The following C4orf51 variants were observed in gnomAD, a reference collection of about 807,000 sequenced individuals.
The protein encoded by C4orf51 is chromosome 4 open reading frame 51, also known as uncharacterized protein C4orf51.
A neutral mutation model predicts 25.2 loss-of-function variants in C4orf51; 25 were observed. The observed-to-expected ratio is 0.99, with a 90% CI of 0.72 to 1.39. C4orf51 has a LOEUF of 1.39. Among genes scored for constraint, C4orf51 ranks in the 40% most tolerant of loss-of-function variants. The probability of loss-of-function intolerance (pLI) is 0.00; values close to 1 mark genes in which losing one functional copy is unlikely to be tolerated. For missense variants in C4orf51, 252 were observed against 239.6 expected (o/e 1.05, Z -0.34); for synonymous variants, 100 against 84.5 (o/e 1.18, Z -1.01).
intron 1 of C4orf51, among the ~76,000 whole-genome samples, chr4:145,768,890 A>AAT (rs1553975846): frequency 0.018 from 138 of 7,728 alleles, 18 homozygotes; most frequent in Non-Finnish European, 0.031. Flanking sequence ...AAAAAAAAAA[A>AAT]ATATATATAT....
chr4:145,735,359 C>T (rs1306284359), downstream of C4orf51, among the ~76,000 whole-genome samples: 9 of 152,204 alleles, frequency 5.9e-5, no homozygotes, highest in East Asian at 1.7e-3. Context: ...AGGCACACAT[C>T]CTCACATTGT....
intron 1 of C4orf51, among the ~76,000 whole-genome samples, chr4:145,689,556 A>G (rs563835242): frequency 2.0e-4 from 30 of 152,330 alleles, no homozygotes; most frequent in Non-Finnish European, 3.5e-4. Flanking sequence ...TAAACATACC[A>G]AAGGTGCTCA....
the C4orf51 span, among the ~76,000 whole-genome samples, chr4:145,781,195 C>CAAAA: frequency 1.5e-3 from 83 of 56,540 alleles, no homozygotes; most frequent in South Asian, 2.2e-3. Context: ...GACACCATCT[C>CAAAA]AAAAAAAAAA....
chr4:145,766,267 T>A (rs1735282866), intron 1 of C4orf51, among the ~76,000 whole-genome samples: 3 of 152,060 alleles, frequency 2.0e-5, no homozygotes, highest in African/African-American at 7.2e-5. Context: ...TACAAACAAG[T>A]CAGCAGACCA....
At chr4:145,730,847 C>T (rs376697109) in intron 5 of C4orf51, among the ~76,000 whole-genome samples, 6 of 152,192 alleles carry the variant, frequency 3.9e-5, no homozygotes, top group South Asian at 2.1e-4. Flanking sequence ...TGATACATTT[C>T]GCTAATGGGA....
Position 145,729,183 on chromosome 4 carries a change from G to T in C4orf51, c.381G>T (p.Trp127Cys). 6.2e-7 allele frequency: 1 copy of T among 1,606,138 alleles called. No individual in the cohort carries two copies. Among genetic ancestry groups the T allele is most frequent in the Non-Finnish European group, 8.5e-7 (1 of 1,174,272 alleles). The change falls in exon 4 of 6, where the codon TGG becomes TGT. Residue 127 changes from tryptophan (W) to cysteine (C), a missense_variant. Transcript: ENST00000438731. ...CCTTTTTATAGGCACATCAAATTTG[G>T]GATTTTGGTGATTGTTTTCCGACAC... ...DVKHGVAHQI[W>C]DFGDCFPTPP...
At chr4:145,694,968 A>G (rs962236630) in intron 1 of C4orf51, among the ~76,000 whole-genome samples, 1 of 152,224 alleles carries the variant, frequency 6.6e-6, no homozygotes, top group Non-Finnish European at 1.5e-5. Context: ...AGACGATAAG[A>G]AAGTCCAACT....
chr4:145,769,083 C>G (rs976890693), intron 1 of C4orf51, among the ~76,000 whole-genome samples: 1 of 151,032 alleles, frequency 6.6e-6, no homozygotes, highest in Non-Finnish European at 1.5e-5. Context: ...TACCCACTTA[C>G]AATGTTTTCA....
intron 1 of C4orf51, among the ~76,000 whole-genome samples, chr4:145,688,200 T>TAAA (rs554716520): frequency 1.1e-3 from 110 of 98,784 alleles, no homozygotes; most frequent in Non-Finnish European, 1.4e-3. Flanking sequence ...GATCCTACCT[T>TAAA]AAAAAAAAAA....
chr4:145,684,342 C>T (rs1457644552), intron 1 of C4orf51, among the ~76,000 whole-genome samples: 9 of 152,064 alleles, frequency 5.9e-5, no homozygotes, highest in Non-Finnish European at 7.4e-5. Context: ...ATTAGCCAGG[C>T]TTGGTGGCGG....
chr4:145,724,880 C>CAAAAAAAAAAAAAAAAAAAAAA (rs1222983724), intron 2 of C4orf51, among the ~76,000 whole-genome samples: 2 of 68,314 alleles, frequency 2.9e-5, no homozygotes, highest in African/African-American at 5.7e-5. Flanking sequence ...AAGACTGTCT[C>CAAAAAAAAAAAAAAAAAAAAAA]AAAAAAAAAA....
At chr4:145,681,067 G>A (rs1481875490) in intron 1 of C4orf51, among the ~76,000 whole-genome samples, 1 of 152,146 alleles carries the variant, frequency 6.6e-6, no homozygotes, top group Admixed American at 6.5e-5. Flanking sequence ...CAGGCGAGGT[G>A]GGGAATGGAA....
chr4:145,785,183 C>G, the C4orf51 span, among the ~76,000 whole-genome samples: 1 of 152,192 alleles, frequency 6.6e-6, no homozygotes, highest in Non-Finnish European at 1.5e-5. Flanking sequence ...AATCCCAAAA[C>G]AAGGCTTTCA....
At chr4:145,756,118 A>G (rs1351118955), downstream of C4orf51, among the ~76,000 whole-genome samples, 1 of 152,178 alleles carries the variant, frequency 6.6e-6, no homozygotes, top group Non-Finnish European at 1.5e-5. Context: ...TTTGGCAGGC[A>G]GGGGTTCTAC....
At chr4:145,776,092 G>T in the C4orf51 span, 1 of 1,001,158 alleles carries the variant, frequency 1.0e-6, no homozygotes, top group Non-Finnish European at 1.5e-6. Flanking sequence ...CAATGGTAAT[G>T]CCTAGGAATT....
At chr4:145,736,448 GGGTCAA>G (rs1424624243), downstream of C4orf51, among the ~76,000 whole-genome samples, 1 of 152,062 alleles carries the variant, frequency 6.6e-6, no homozygotes, top group Non-Finnish European at 1.5e-5. Context: ...GACCTGAGCT[GGGTCAA>G]GGTCTGGGTG....
intron 1 of C4orf51, among the ~76,000 whole-genome samples, chr4:145,696,186 T>C (rs972285847): frequency 6.6e-6 from 1 of 152,046 alleles, no homozygotes; most frequent in African/African-American, 2.4e-5. Context: ...CACTTGAACC[T>C]GGAAAGCGGA....
rs576191655 is a variant in C4orf51, at chr4:145,765,177, G to A, written n.167-5811G>A. The A allele has an allele frequency of 7.5e-5, 119 of 1,593,544 alleles. No individual in the cohort carries two copies. The highest frequency in any genetic ancestry group is 8.5e-5 in the Admixed American group (5 of 59,020). On this transcript the variant is annotated intron_variant and non_coding_transcript_variant, in intron 1 of 1. Coordinates refer to the C4orf51 transcript ENST00000510096. The surrounding 1 kb of genome is among the most constrained non-coding windows in gnomAD (Gnocchi z 4.7). The stretch of plus-strand genomic sequence containing the variant: ...AACACATTCGAACCCTGCAAGGACC[G>A]AAGCTGGGTATAGAGGTGCACAGGG...
At chr4:145,791,331 C>T in the C4orf51 span, among the ~76,000 whole-genome samples, 12 of 152,262 alleles carry the variant, frequency 7.9e-5, no homozygotes, top group Non-Finnish European at 1.2e-4. Context: ...ATGAGGGCTC[C>T]ACTCCCAAGA....
Sources: allele counts gnomAD v4.1 joint callset (sites outside exome capture counted in the v4.1 genomes callset), GRCh38; gene constraint gnomAD v4.1.1; non-coding constraint Gnocchi (gnomAD v3.1); transcripts MANE v1.5; gene names NCBI Gene and HGNC (gene_info 2026-07-23, HGNC 2026-07-21).